TLN1: variants seen among roughly 807,000 people sequenced by gnomAD.
The protein encoded by TLN1 is talin-1.
A neutral mutation model predicts 292.3 loss-of-function variants in TLN1; 56 were observed. The observed-to-expected ratio is 0.19, with a 90% CI of 0.15 to 0.24. The LOEUF is 0.24. Ranked by LOEUF, TLN1 falls within the 10% of genes least tolerant of loss-of-function variation. The probability of loss-of-function intolerance (pLI) is 1.00; values close to 1 mark genes in which losing one functional copy is unlikely to be tolerated. For synonymous variants in TLN1, 1,119 were observed against 1,253.7 expected (o/e 0.89, Z 2.27); for missense variants, 2,433 against 3,248.2 (o/e 0.75, Z 6.10).
rs1825576136 is a variant in TLN1 at position 35,707,003 on chromosome 9, C to CT, written c.4955+68_4955+69insA. Reference sequence around the variant, plus strand: ...CAACACCATCCCATCTCATTGCACTCAAGTGCCCATCCTCCATTCTGCCAC... The same window carrying CT: ...CAACACCATCCCATCTCATTGCACTCTAAGTGCCCATCCTCCATTCTGCCAC... On this transcript the variant is annotated intron_variant, in intron 37 of 56. Transcript: ENST00000314888. The surrounding 1 kb of genome is among the most constrained non-coding windows in gnomAD (Gnocchi z 5.6). The CT allele has an allele frequency of 6.2e-7, 1 of 1,608,162 alleles. No individual in the cohort carries two copies. Among genetic ancestry groups the CT allele is most frequent in the Non-Finnish European group, 8.5e-7 (1 of 1,178,198 alleles).
At chr9:35,718,462 A>AG (rs1328492947) in intron 17 of TLN1, among the ~76,000 whole-genome samples, 1 of 152,036 alleles carries the variant, frequency 6.6e-6, no homozygotes, top group African/African-American at 2.4e-5. Context: ...TGGAGCGGGA[A>AG]GGGGGAGAGC....
At chr9:35,716,678 G>T in intron 19 of TLN1, 122 bp from the exon 20 acceptor site, 1 of 1,064,966 alleles carries the variant, frequency 9.4e-7, no homozygotes, top group Non-Finnish European at 1.3e-6. Flanking sequence ...CAGAAAAAGA[G>T]ACTGGCAAAA....
At position 35,707,987 on chromosome 9, in the gene TLN1, A is replaced by C; in HGVS notation, c.4471-95T>G. The C allele has an allele frequency of 4.3e-6, 6 of 1,391,938 alleles. No homozygotes were observed. Among genetic ancestry groups the C allele is most frequent in the Non-Finnish European group, 5.9e-6 (6 of 1,011,054 alleles). 86.2% of individuals were successfully genotyped at this position (1,391,938 alleles called of 1,614,324 possible). ...TTAGGGTCAGGGGATGGAGAGCAAT[A>C]CCCTGAGGAGTCAAAACAGGAATAA... On this transcript the variant is annotated intron_variant, in intron 34 of 56. Transcript: ENST00000314888. The surrounding 1 kb of genome is among the most constrained non-coding windows in gnomAD (Gnocchi z 5.6).
chr9:35,730,448 C>T (rs1326221491), intron 1 of TLN1, among the ~76,000 whole-genome samples: 1 of 151,602 alleles, frequency 6.6e-6, no homozygotes, highest in Admixed American at 6.6e-5. Context: ...AGGGGATCTA[C>T]AAATGGTCCA....
At position 35,717,408 on chromosome 9, in the gene TLN1, G is replaced by A. The variant is rs1587986102; in HGVS notation, c.2196C>T (p.Cys732=). 5.6e-6 allele frequency: 9 copies of A among 1,613,948 alleles called. No individual in the cohort carries two copies. The East Asian group carries it at 2.0e-4, about 36-fold the overall frequency. The change falls in exon 19 of 57, where the codon TGC becomes TGT. Residue 732 remains cysteine (C), a synonymous_variant. Coordinates refer to ENST00000314888, the MANE Select transcript of TLN1 (RefSeq NM_006289.4). This position sits in a 1 kb window ranked among gnomAD's most constrained non-coding sequence, Gnocchi z 4.7. ...GTCCAGCCTCCACCAGTTGCTCTTG[G>A]CAGACAGGTGAGCTGATTGTAGGTG... ...VVAPTISSPV[C]QEQLVEAGRL... is the part of the protein sequence containing the mutation.
At chr9:35,709,886 CAAAAAAAAAAAAAAAAA>C (rs546437173) in intron 33 of TLN1, among the ~76,000 whole-genome samples, 71 of 12,848 alleles carry the variant, frequency 5.5e-3, no homozygotes, top group South Asian at 0.023. Context: ...AACTCGGTCT[CAAAAAAAAAAAAAAAAA>C]AAAAAAAAAA....
Position 35,719,136 on chromosome 9 carries a change from C to T in TLN1, c.1834G>A (p.Ala612Thr), listed in dbSNP as rs1445530691. 17 of 1,614,070 alleles carry T rather than the reference C, an allele frequency of 1.1e-5. No homozygotes were observed. The highest frequency in any genetic ancestry group is 1.4e-5 in the Non-Finnish European group (17 of 1,180,052). Reference sequence around the variant, plus strand: ...GACACTGCTCCCGCAAGGCCCTTTGCTGCCTGCAACAGGGGCCGACCACTG... The same window carrying T: ...GACACTGCTCCCGCAAGGCCCTTTGTTGCCTGCAACAGGGGCCGACCACTG... Reference protein sequence around the residue: ...GGSGRPLLQAAKGLAGAVSEL... With the variant: ...GGSGRPLLQATKGLAGAVSEL... The change falls in exon 16 of 57, where the codon GCA (alanine) becomes ACA (threonine). Residue 612 changes from alanine to threonine, a missense_variant. Physicochemically the swap from Ala to Thr is moderately conservative, Grantham distance 58. Coordinates refer to ENST00000314888, the MANE Select transcript of TLN1 (RefSeq NM_006289.4). The surrounding 1 kb of genome is among the most constrained non-coding windows in gnomAD (Gnocchi z 4.6).
chr9:35,724,090 C>G lies in TLN1; in HGVS notation c.655-11G>C. On this transcript the variant is annotated splice_polypyrimidine_tract_variant and intron_variant, in intron 6 of 56. Coordinates refer to ENST00000314888, the MANE Select transcript of TLN1 (RefSeq NM_006289.4). This position sits in a 1 kb window ranked among gnomAD's most constrained non-coding sequence, Gnocchi z 4.7. ...GATGTCATCTCGTGCCTGGAGAGCA[C>G]AGGGCAAGGAGGCGAATGTTGTGTG... is the stretch of plus-strand genomic sequence containing the variant. 3 of 1,613,366 alleles carry G rather than the reference C, an allele frequency of 1.9e-6. No homozygotes were observed. Among genetic ancestry groups the G allele is most frequent in the Non-Finnish European group, 2.5e-6 (3 of 1,179,384 alleles).
rs1322658902 is a variant in TLN1, at chr9:35,706,330, G to A, written c.5227C>T (p.Leu1743=). 1 of 1,612,454 alleles carries A rather than the reference G, an allele frequency of 6.2e-7. No individual in the cohort carries two copies. Among genetic ancestry groups the A allele is most frequent in the Admixed American group, 1.7e-5 (1 of 59,912 alleles). The change falls in exon 40 of 57, where the codon CTG becomes TTG. Residue 1743 remains leucine, a synonymous_variant. Transcript: ENST00000314888. This position sits in a 1 kb window ranked among gnomAD's most constrained non-coding sequence, Gnocchi z 4.2. ...TTGGAGGCAGCACCCACTGCAGCCA[G>A]GGTGAGCGGCTCAAAGTACTGCGCC... The part of the protein sequence containing the change: ...QMAQYFEPLT[L]AAVGAASKTL...
Position 35,719,493 on chromosome 9 carries a change from C to G in TLN1, c.1687+26G>C. The G allele has an allele frequency of 1.3e-6, 2 of 1,598,532 alleles. No homozygotes were observed. Among genetic ancestry groups the G allele is most frequent in the Middle Eastern group, 1.8e-4 (1 of 5,454 alleles). On this transcript the variant is annotated intron_variant, in intron 15 of 56. Transcript: ENST00000314888. The surrounding 1 kb of genome is among the most constrained non-coding windows in gnomAD (Gnocchi z 4.6). ...ACTTGCACCCCCTCTCCCCATCACA[C>G]ACCCGGAAGCTAGCATCCGGCCTAC...
intron 1 of TLN1, among the ~76,000 whole-genome samples, chr9:35,726,871 T>C (rs1009825701): frequency 1.3e-5 from 2 of 152,224 alleles, no homozygotes; most frequent in African/African-American, 2.4e-5. Flanking sequence ...CCAGTCCCTG[T>C]AACTCAGTCC....
At chr9:35,700,963 T>C (rs565408135) in intron 48 of TLN1, among the ~76,000 whole-genome samples, 2 of 152,190 alleles carry the variant, frequency 1.3e-5, no homozygotes, top group South Asian at 4.1e-4. Flanking sequence ...AATAAATAAA[T>C]AAACAAGCAG....
Position 35,722,003 on chromosome 9 carries a change from T to A in TLN1, c.948+116A>T, listed in dbSNP as rs1825885842. ...CATGAGGTCAGAGCAAGGAAGAGAA[T>A]GGGAATCTTAGGGAATGGTGGGAGA... On this transcript the variant is annotated intron_variant, in intron 9 of 56. Coordinates refer to ENST00000314888, the MANE Select transcript of TLN1 (RefSeq NM_006289.4). The A allele has an allele frequency of 2.5e-6, 3 of 1,187,278 alleles. No individual in the cohort carries two copies. The Admixed American group carries it at 5.4e-5, about 21-fold the overall frequency. The allele number at this position is 1,187,278 out of a possible 1,614,324, so 73.5% of individuals were successfully genotyped here.
chr9:35,723,760 C>G, intron 7 of TLN1, 192 bp downstream of exon 7: 1 of 768,136 alleles, frequency 1.3e-6, no homozygotes, highest in African/African-American at 1.7e-5. Flanking sequence ...AGATACTGAA[C>G]TACATTCATA....
In TLN1 at chr9:35,715,039, G is replaced by A. The variant is rs762344138; in HGVS notation, c.2754+20C>T. On this transcript the variant is annotated intron_variant, in intron 21 of 56. Transcript: ENST00000314888. ...AGCACCCACACTCTCTCTTGCTCCTGGTGAAACTCCCAGCCTCACCTCCAG... is the reference window on the plus strand; with the variant it reads ...AGCACCCACACTCTCTCTTGCTCCTAGTGAAACTCCCAGCCTCACCTCCAG... 1.2e-6 allele frequency: 2 copies of A among 1,612,606 alleles called. No homozygotes were observed. Among genetic ancestry groups the A allele is most frequent in the Non-Finnish European group, 8.5e-7 (1 of 1,180,026 alleles).
At position 35,704,903 on chromosome 9, in the gene TLN1, A is replaced by G. The variant is rs1314621764; in HGVS notation, c.5734-88T>C. ...TTGGAAAAGTCACTAAGGACATAGA[A>G]AAAAACATGCATTGTAGACTAAAGA... On this transcript the variant is annotated intron_variant, in intron 43 of 56. Transcript: ENST00000314888. This position sits in a 1 kb window ranked among gnomAD's most constrained non-coding sequence, Gnocchi z 6.9. 14 of 1,320,600 alleles carry G rather than the reference A, an allele frequency of 1.1e-5. No individual in the cohort carries two copies. The East Asian group carries it at 3.3e-4, about 31-fold the overall frequency. The allele number at this position is 1,320,600 out of a possible 1,614,324, so 81.8% of individuals were successfully genotyped here.
rs747592250 is a variant in TLN1 at position 35,713,057 on chromosome 9, G to C, written c.3353-14C>G. On this transcript the variant is annotated splice_polypyrimidine_tract_variant and intron_variant, in intron 26 of 56. Coordinates refer to ENST00000314888, the MANE Select transcript of TLN1 (RefSeq NM_006289.4). ...GAGCTGCAATACCTTGGGAGATGAG[G>C]AGAAAGAGGGAAGGGAAGGTGCTTT... 2.5e-6 allele frequency: 4 copies of C among 1,590,478 alleles called. No homozygotes were observed. Among genetic ancestry groups the C allele is most frequent in the African/African-American group, 1.3e-5 (1 of 74,430 alleles).
At chr9:35,710,239 A>G (rs926033830) in intron 33 of TLN1, among the ~76,000 whole-genome samples, 1 of 151,506 alleles carries the variant, frequency 6.6e-6, no homozygotes, top group Non-Finnish European at 1.5e-5. Flanking sequence ...AAAAAAAAAA[A>G]AAAAGAAAGT....
intron 20 of TLN1, among the ~76,000 whole-genome samples, chr9:35,716,047 A>C (rs968475101): frequency 1.3e-5 from 2 of 152,058 alleles, no homozygotes; most frequent in African/African-American, 4.8e-5. Flanking sequence ...GAATATGTAA[A>C]ATTATGTCAA....
Sources: gnomAD v4.1 joint callset for allele counts (sites outside exome capture counted in the v4.1 genomes callset) on GRCh38, gnomAD v4.1.1 for gene constraint, Gnocchi (gnomAD v3.1) non-coding constraint, MANE v1.5 for transcripts, NCBI Gene and HGNC (gene_info 2026-07-23, HGNC 2026-07-21) for gene names.